RANBP2: variants seen among roughly 807,000 people sequenced by gnomAD.
RANBP2 encodes the protein E3 SUMO-protein ligase RanBP2.
RANBP2 carries 57 observed loss-of-function variants against 303.6 expected under a neutral mutation model. That is an observed-to-expected ratio of 0.19 (90% CI 0.15 to 0.23). RANBP2 has a LOEUF of 0.23. Among genes scored for constraint, RANBP2 ranks in the 10% least tolerant of loss-of-function variants. The pLI, the probability that RANBP2 is intolerant of heterozygous loss-of-function variation, is 1.00. For synonymous variants in RANBP2, 1,167 were observed against 1,301.5 expected (o/e 0.90, Z 2.23); for missense variants, 3,138 against 3,780.8 (o/e 0.83, Z 4.46).
chr2:109,774,531 TTATATATAAAATATATATAATATA>T, the RANBP2 span, among the ~76,000 whole-genome samples: 3 of 88,366 alleles, frequency 3.4e-5, no homozygotes, highest in Non-Finnish European at 5.7e-5. Flanking sequence ...ATTATATATA[TTATATATAAAATATATATAATATA>T]TATATGTATG....
the RANBP2 span, among the ~76,000 whole-genome samples, chr2:109,457,312 G>A: frequency 6.6e-6 from 1 of 152,208 alleles, no homozygotes; most frequent in South Asian, 2.1e-4. Flanking sequence ...AAAGATCAAA[G>A]GAGGGGTTAA....
At chr2:109,491,530 C>T in the RANBP2 span, among the ~76,000 whole-genome samples, 2,162 of 152,180 alleles carry the variant, frequency 0.014, 49 homozygotes, top group African/African-American at 0.05. Context: ...AGGTTTTTAC[C>T]GATCTGGAAA....
Position 108,782,771 on chromosome 2 carries a change from C to T in RANBP2, c.9278C>T (p.Ala3093Val), listed in dbSNP as rs1678345290. The T allele has an allele frequency of 6.2e-7, 1 of 1,614,176 alleles. No homozygotes were observed. Among genetic ancestry groups the T allele is most frequent in the African/African-American group, 1.3e-5 (1 of 75,042 alleles). The stretch of plus-strand genomic sequence containing the variant: ...TTTTCAAACATTGTTCCTCGGACTG[C>T]TGAGAACTTCAGAGCACTATGCACT... ...ELFSNIVPRTAENFRALCTGE... is the reference protein window; with the variant it reads ...ELFSNIVPRTVENFRALCTGE... Residue 3093 changes from alanine (A) to valine (V), a missense_variant, in exon 28 of 29, where the codon GCT becomes GTT. By Grantham distance (64) the Ala-to-Val change is moderately conservative. Transcript: ENST00000283195.
At chr2:109,047,032 C>T in the RANBP2 span, among the ~76,000 whole-genome samples, 1 of 152,052 alleles carries the variant, frequency 6.6e-6, no homozygotes, top group Non-Finnish European at 1.5e-5. Context: ...AGAGACTGGA[C>T]GTGGGTGGCA....
At chr2:109,164,872 T>C in the RANBP2 span, among the ~76,000 whole-genome samples, 2 of 152,328 alleles carry the variant, frequency 1.3e-5, no homozygotes, top group South Asian at 4.1e-4. Flanking sequence ...TGCAAGTTCC[T>C]TTAGGGTTTC....
chr2:109,187,061 G>A, the RANBP2 span, among the ~76,000 whole-genome samples: 2 of 150,346 alleles, frequency 1.3e-5, no homozygotes, highest in African/African-American at 2.4e-5. Flanking sequence ...CACCTGTCAC[G>A]GATCATTTAA....
chr2:109,664,297 T>C, the RANBP2 span, among the ~76,000 whole-genome samples: 2 of 152,336 alleles, frequency 1.3e-5, no homozygotes, highest in East Asian at 3.9e-4. Flanking sequence ...TATGAATATT[T>C]AGCAAAGATT....
intron 4 of RANBP2, among the ~76,000 whole-genome samples, chr2:108,734,725 GGGTGGTATGGTGGTTTC>G (rs1695433568): frequency 6.6e-6 from 1 of 151,800 alleles, no homozygotes; most frequent in African/African-American, 2.4e-5. Context: ...AGAATAACAA[GGGTGGTATGGTGGTTTC>G]GGTGGTATGA....
the RANBP2 span, chr2:109,545,094 G>A: frequency 3.0e-6 from 3 of 985,322 alleles, no homozygotes; most frequent in African/African-American, 3.5e-5. Context: ...AAATGGGTCT[G>A]AAATAGATGC....
At chr2:109,417,331 G>C in the RANBP2 span, among the ~76,000 whole-genome samples, 1 of 152,176 alleles carries the variant, frequency 6.6e-6, no homozygotes, top group African/African-American at 2.4e-5. Context: ...GCTCTGGGGA[G>C]TTCTCTAGAA....
At chr2:109,200,996 G>GGCA in the RANBP2 span, among the ~76,000 whole-genome samples, 1 of 152,136 alleles carries the variant, frequency 6.6e-6, no homozygotes, top group African/African-American at 2.4e-5. Flanking sequence ...GGGACAAAGG[G>GGCA]GCAGCAGCAG....
chr2:109,306,000 C>G, the RANBP2 span, among the ~76,000 whole-genome samples: 1 of 152,230 alleles, frequency 6.6e-6, no homozygotes, highest in South Asian at 2.1e-4. Flanking sequence ...CTGGGCATTA[C>G]AGAGCTACAG....
the RANBP2 span, chr2:108,856,990 A>G: frequency 4.7e-6 from 6 of 1,288,828 alleles, no homozygotes; most frequent in African/African-American, 1.6e-5. Flanking sequence ...TAAGTTCTAT[A>G]TGTGTAAAGA....
At chr2:109,293,056 G>T in the RANBP2 span, among the ~76,000 whole-genome samples, 1 of 152,168 alleles carries the variant, frequency 6.6e-6, no homozygotes, top group Non-Finnish European at 1.5e-5. Context: ...GCATCTGTCA[G>T]CTGCAGTTCA....
the RANBP2 span, among the ~76,000 whole-genome samples, chr2:109,118,266 A>T: frequency 1.4e-3 from 217 of 151,690 alleles, no homozygotes; most frequent in African/African-American, 5.1e-3. Context: ...GCAACATTTC[A>T]CTCTGACATC....
the RANBP2 span, among the ~76,000 whole-genome samples, chr2:109,201,035 G>T: frequency 0.041 from 6,306 of 152,184 alleles, 412 homozygotes; most frequent in African/African-American, 0.14. Flanking sequence ...GACCTGGGTG[G>T]GACCCTGTGA....
the RANBP2 span, among the ~76,000 whole-genome samples, chr2:109,028,774 C>G: frequency 6.6e-6 from 1 of 152,124 alleles, no homozygotes; most frequent in Non-Finnish European, 1.5e-5. Flanking sequence ...CCTAAAGCAG[C>G]AGAACAGAGC....
In RANBP2 at chr2:108,775,168, G is replaced by A. The variant is rs550586218; in HGVS notation, c.8293-564G>A. On this transcript the variant is annotated intron_variant, in intron 23 of 28. Coordinates refer to ENST00000283195, the MANE Select transcript of RANBP2 (RefSeq NM_006267.5). Reference sequence around the variant, plus strand: ...TGAAATATTTTATTTTCCTTGAGACGTTCTTTTTGATCTGTACGTTAGATG... The same window carrying A: ...TGAAATATTTTATTTTCCTTGAGACATTCTTTTTGATCTGTACGTTAGATG... Among the ~76,000 whole-genome samples, 21 of 152,102 alleles carry A rather than the reference G, an allele frequency of 1.4e-4. No individual in the cohort carries two copies. The South Asian group carries it at 4.4e-3, about 32-fold the overall frequency.
At chr2:109,203,013 A>T in the RANBP2 span, among the ~76,000 whole-genome samples, 3 of 152,186 alleles carry the variant, frequency 2.0e-5, no homozygotes, top group Admixed American at 1.3e-4. Flanking sequence ...GGGCCTGAGG[A>T]TACTGGCCTG....
Sources: gnomAD v4.1 joint callset for allele counts (sites outside exome capture counted in the v4.1 genomes callset) on GRCh38, gnomAD v4.1.1 for gene constraint, MANE v1.5 for transcripts, NCBI Gene and HGNC (gene_info 2026-07-23, HGNC 2026-07-21) for gene names.